The following PTBP2 variants were observed in gnomAD, a reference collection of about 807,000 sequenced individuals.
The protein encoded by PTBP2 is polypyrimidine tract-binding protein 2.
PTBP2 carries 13 observed loss-of-function variants against 61.4 expected under a neutral mutation model. The ratio of observed to expected loss-of-function variants is 0.21; its 90% confidence interval spans 0.14 to 0.34. The LOEUF (loss-of-function observed/expected upper bound fraction) is 0.34, where lower values mean the gene tolerates loss of function less well. Among genes scored for constraint, PTBP2 ranks in the 10% least tolerant of loss-of-function variants. The pLI, the probability that PTBP2 is intolerant of heterozygous loss-of-function variation, is 1.00. For synonymous variants in PTBP2, 215 were observed against 218.5 expected (o/e 0.98, Z 0.14); for missense variants, 405 against 642.6 (o/e 0.63, Z 4.00).
intron 4 of PTBP2, among the ~76,000 whole-genome samples, chr1:96,770,474 GA>G (rs1335464421): frequency 6.6e-6 from 1 of 151,942 alleles, no homozygotes; most frequent in Non-Finnish European, 1.5e-5. Context: ...TTGTGGGTGT[GA>G]AAAATCATAG....
chr1:96,737,401 G>A (rs1471747631), intron 2 of PTBP2, among the ~76,000 whole-genome samples: 1 of 152,078 alleles, frequency 6.6e-6, no homozygotes. Context: ...AAGGGTAAAT[G>A]CAATAGAGAT....
At chr1:96,774,675 G>A (rs979715847) in intron 5 of PTBP2, among the ~76,000 whole-genome samples, 4 of 152,134 alleles carry the variant, frequency 2.6e-5, no homozygotes, top group South Asian at 2.1e-4. Context: ...ATATTACTAC[G>A]ACAGTTCTCT....
At chr1:96,819,125 T>C (rs371087945), downstream of PTBP2, 195 of 152,124 alleles carry the variant, frequency 1.3e-3, 1 homozygote, top group African/African-American at 4.6e-3. Flanking sequence ...TCCTGATTTG[T>C]TTATTACATT....
intron 8 of PTBP2, among the ~76,000 whole-genome samples, chr1:96,786,814 A>G (rs545109445): frequency 6.6e-6 from 1 of 152,186 alleles, no homozygotes; most frequent in Admixed American, 6.5e-5. Context: ...ATACCAAGAA[A>G]CTCCAGCTAG....
At chr1:96,747,364 T>G (rs756200837) in intron 2 of PTBP2, among the ~76,000 whole-genome samples, 19 of 152,180 alleles carry the variant, frequency 1.2e-4, no homozygotes, top group Non-Finnish European at 2.4e-4. Flanking sequence ...TTTATCAGTA[T>G]TTTCTTTCAT....
chr1:96,797,802 T>C (rs867653359), intron 8 of PTBP2, among the ~76,000 whole-genome samples: 1 of 152,226 alleles, frequency 6.6e-6, no homozygotes, highest in Non-Finnish European at 1.5e-5. Flanking sequence ...TAGGGAATAA[T>C]GACAAGAACA....
intron 7 of PTBP2, among the ~76,000 whole-genome samples, chr1:96,779,066 A>G (rs770136255): frequency 3.3e-5 from 5 of 152,156 alleles, no homozygotes; most frequent in Admixed American, 1.3e-4. Flanking sequence ...CCTATAAGGT[A>G]GACATTTTTT....
At chr1:96,792,169 CACAA>C (rs2101108438) in intron 8 of PTBP2, among the ~76,000 whole-genome samples, 1 of 152,180 alleles carries the variant, frequency 6.6e-6, no homozygotes, top group African/African-American at 2.4e-5. Flanking sequence ...TATTTTGTGA[CACAA>C]ACATTTAAAA....
At chr1:96,816,965 CTAA>C (rs1456899945), downstream of PTBP2, 1 of 152,046 alleles carries the variant, frequency 6.6e-6, no homozygotes, top group Non-Finnish European at 1.5e-5. Context: ...CAAAGAAATA[CTAA>C]TGTTTTAAAA....
At chr1:96,791,826 C>CTTTTTTTTGGTTTTTTTTTT (rs1482989030) in intron 8 of PTBP2, among the ~76,000 whole-genome samples, 1 of 66,128 alleles carries the variant, frequency 1.5e-5, no homozygotes, top group Admixed American at 1.7e-4. Context: ...TGGAGTTGTG[C>CTTTTTTTTGGTTTTTTTTTT]TTTTTTTTTT....
intron 7 of PTBP2, among the ~76,000 whole-genome samples, chr1:96,779,280 C>T (rs2101049243): frequency 6.6e-6 from 1 of 152,058 alleles, no homozygotes; most frequent in South Asian, 2.1e-4. Flanking sequence ...ATCTAGAAGT[C>T]ATGGTTTCTG....
intron 2 of PTBP2, among the ~76,000 whole-genome samples, chr1:96,731,216 T>C (rs1002892284): frequency 6.6e-6 from 1 of 152,198 alleles, no homozygotes; most frequent in Non-Finnish European, 1.5e-5. Flanking sequence ...GTAAAAATGC[T>C]GTGTCAAATG....
chr1:96,777,741 C>T lies in PTBP2; in HGVS notation c.589C>T (p.Leu197Phe). The T allele has an allele frequency of 6.3e-7, 1 of 1,594,728 alleles. No homozygotes were observed. The highest frequency in any genetic ancestry group is 8.6e-7 in the Non-Finnish European group (1 of 1,169,384). ...NMYYPVTLDVLHQIFSKFGAV... is the reference protein window; with the variant it reads ...NMYYPVTLDVFHQIFSKFGAV... Reference sequence around the variant, plus strand: ...GTACTACCCTGTAACACTTGATGTTCTTCACCAAGTAAGTTTAATCTGCAT... The same window carrying T: ...GTACTACCCTGTAACACTTGATGTTTTTCACCAAGTAAGTTTAATCTGCAT... The change falls in exon 6 of 14, where the codon CTT becomes TTT. Residue 197 changes from leucine to phenylalanine, a missense_variant. Leu to Phe is a conservative substitution (Grantham distance 22). Coordinates refer to ENST00000674951, the MANE Select transcript of PTBP2 (RefSeq NM_021190.4).
At position 96,793,424 on chromosome 1, in the gene PTBP2, C is replaced by T. The variant is rs189472763; in HGVS notation, c.904+8170C>T. Among the ~76,000 whole-genome samples, 4 of 151,964 alleles carry T rather than the reference C, an allele frequency of 2.6e-5. No homozygotes were observed. In the South Asian group the frequency reaches 8.3e-4, roughly 32 times the overall value. ...TGGCTCTGTTGCCTGGGCTGGAGTGCAGTGGCGGGATCTCTGCTCACTGCA... is the reference window on the plus strand; with the variant it reads ...TGGCTCTGTTGCCTGGGCTGGAGTGTAGTGGCGGGATCTCTGCTCACTGCA... On this transcript the variant is annotated intron_variant, in intron 8 of 13. Transcript: ENST00000674951.
chr1:96,782,344 A>G (rs949522752), intron 7 of PTBP2, among the ~76,000 whole-genome samples: 4 of 152,062 alleles, frequency 2.6e-5, no homozygotes, highest in Non-Finnish European at 4.4e-5. Flanking sequence ...CATTTGCAGC[A>G]GTAAGATTAT....
intron 2 of PTBP2, 140 bp from the exon 3 acceptor site, chr1:96,751,285 T>C (rs1654505949): frequency 2.7e-6 from 2 of 734,136 alleles, no homozygotes; most frequent in Non-Finnish European, 4.9e-6. Flanking sequence ...AGTAGAGGGA[T>C]GAAGTTAATT....
chr1:96,780,796 G>A (rs1162404828), intron 7 of PTBP2, among the ~76,000 whole-genome samples: 2 of 152,018 alleles, frequency 1.3e-5, no homozygotes, highest in African/African-American at 4.8e-5. Flanking sequence ...GCGGACTAAT[G>A]AATATCTTCA....
Position 96,762,322 on chromosome 1 carries a change from C to A in PTBP2, c.116-7381C>A, listed in dbSNP as rs529389448. Among the ~76,000 whole-genome samples the A allele has an allele frequency of 5.8e-4, 88 of 151,388 alleles. 1 individual carries two copies. The highest frequency in any genetic ancestry group is 6.3e-4 in the Non-Finnish European group (43 of 67,804). Reference sequence around the variant, plus strand: ...TAGGGGCGGCCGGGCAGAGGCGCCCCTCACTCCCCAGTAGGGGCAGCCGGG... The same window carrying A: ...TAGGGGCGGCCGGGCAGAGGCGCCCATCACTCCCCAGTAGGGGCAGCCGGG... On this transcript the variant is annotated intron_variant, in intron 3 of 13. Coordinates refer to ENST00000674951, the MANE Select transcript of PTBP2 (RefSeq NM_021190.4).
intron 3 of PTBP2, among the ~76,000 whole-genome samples, chr1:96,759,238 CT>C (rs1655511985): frequency 6.6e-6 from 1 of 152,120 alleles, no homozygotes; most frequent in Non-Finnish European, 1.5e-5. Flanking sequence ...TCTATAAAGA[CT>C]TATAAATTGA....
Sources: gnomAD v4.1 joint callset for allele counts (sites outside exome capture counted in the v4.1 genomes callset) on GRCh38, gnomAD v4.1.1 for gene constraint, MANE v1.5 for transcripts, NCBI Gene and HGNC (gene_info 2026-07-23, HGNC 2026-07-21) for gene names.